Variants in EEA1 observed in about 807,000 individuals in gnomAD.
The protein encoded by EEA1 is early endosome antigen 1, 162kD.
A neutral mutation model predicts 209.2 loss-of-function variants in EEA1; 111 were observed. The observed-to-expected ratio is 0.53, with a 90% CI of 0.45 to 0.62. EEA1 has a LOEUF of 0.62. EEA1 is among the 20% of genes least tolerant of loss of function. The pLI, the probability that EEA1 is intolerant of heterozygous loss-of-function variation, is 0.00. For missense variants in EEA1, 1,343 were observed against 1,530.8 expected (o/e 0.88, Z 2.05); for synonymous variants, 536 against 540.6 (o/e 0.99, Z 0.12).
intron 20 of EEA1, among the ~76,000 whole-genome samples, chr12:92,800,841 C>T (rs756921325): frequency 2.0e-5 from 3 of 152,220 alleles, no homozygotes; most frequent in Non-Finnish European, 2.9e-5. Context: ...AATCTTGATT[C>T]AGAACTTGGG....
At chr12:92,864,663 C>G (rs61935279) in intron 3 of EEA1, among the ~76,000 whole-genome samples, 197 bp downstream of exon 3, 43,147 of 152,028 alleles carry the variant, frequency 0.28, 6,553 homozygotes, top group Non-Finnish European at 0.32. Context: ...CCGTATTGTA[C>G]TTGCTGGCAT....
Position 92,929,026 on chromosome 12 carries a change from C to T in EEA1, c.24+17G>A, listed in dbSNP as rs1269749229. On this transcript the variant is annotated intron_variant, in intron 1 of 28. Transcript: ENST00000322349. ...TCCCGCTCACGTGCTGCCAGAAAGA[C>T]GGTTTCACTCTCTTACCCTCTGTAA... 8.8e-6 allele frequency: 14 copies of T among 1,588,240 alleles called. No individual in the cohort carries two copies. The highest frequency in any genetic ancestry group is 1.8e-5 in the Admixed American group (1 of 56,912).
At chr12:92,850,868 A>G (rs1320445925) in intron 9 of EEA1, among the ~76,000 whole-genome samples, 1 of 152,108 alleles carries the variant, frequency 6.6e-6, no homozygotes, top group Admixed American at 6.5e-5. Flanking sequence ...ATATCATGTC[A>G]ACAATATATA....
intron 18 of EEA1, among the ~76,000 whole-genome samples, chr12:92,804,571 CAAAAAA>C (rs1195692496): frequency 2.1e-5 from 1 of 47,738 alleles, no homozygotes; most frequent in Non-Finnish European, 4.8e-5. Flanking sequence ...GACTCTGTCT[CAAAAAA>C]AAAAAAAAAA....
At position 92,854,943 on chromosome 12, in the gene EEA1, T is replaced by C. The variant is rs556169965; in HGVS notation, c.367-989A>G. On this transcript the variant is annotated intron_variant, in intron 5 of 28. Coordinates refer to ENST00000322349, the MANE Select transcript of EEA1 (RefSeq NM_003566.4). ...TGATATTCCCTGTAAGATTTGTTCA[T>C]GTTATTTCTCTCCCTTTTAAGCACT... Among the ~76,000 whole-genome samples, 6 of 152,360 alleles carry C rather than the reference T, an allele frequency of 3.9e-5. No individual in the cohort carries two copies. In the South Asian group the frequency reaches 1.2e-3, roughly 32 times the overall value.
chr12:92,819,460 G>C lies in EEA1; in HGVS notation c.1576C>G (p.Gln526Glu). Residue 526 changes from glutamine (Q) to glutamate (E), a missense_variant, in exon 14 of 29, where the codon CAG becomes GAG. Gln to Glu is a conservative substitution (Grantham distance 29). Transcript: ENST00000322349. ...TTCTGTAATAAAGCTTCAAGGTTCTGGATCTTTTGGTCCTTATCGCCAATT... is the reference window on the plus strand; with the variant it reads ...TTCTGTAATAAAGCTTCAAGGTTCTCGATCTTTTGGTCCTTATCGCCAATT... ...RQIGDKDQKI[Q>E]NLEALLQKSK... The C allele has an allele frequency of 4.3e-6, 7 of 1,610,378 alleles. No homozygotes were observed. Among genetic ancestry groups the C allele is most frequent in the Non-Finnish European group, 5.9e-6 (7 of 1,178,546 alleles).
At chr12:92,830,133 C>CT (rs1394124129) in intron 11 of EEA1, among the ~76,000 whole-genome samples, 1 of 152,018 alleles carries the variant, frequency 6.6e-6, no homozygotes, top group African/African-American at 2.4e-5. Flanking sequence ...GAAATCTGCA[C>CT]TTTTACCCCC....
intron 1 of EEA1, among the ~76,000 whole-genome samples, chr12:92,894,149 G>C (rs1879770630): frequency 1.3e-5 from 2 of 152,018 alleles, no homozygotes; most frequent in South Asian, 4.1e-4. Flanking sequence ...CAATTGTTTT[G>C]AGGCACTACA....
At chr12:92,862,948 A>G (rs769164755) in intron 3 of EEA1, among the ~76,000 whole-genome samples, 1 of 152,184 alleles carries the variant, frequency 6.6e-6, no homozygotes, top group Non-Finnish European at 1.5e-5. Context: ...TCAAAATGTC[A>G]ATGATGAGGT....
intron 3 of EEA1, among the ~76,000 whole-genome samples, chr12:92,863,405 G>A (rs940842854): frequency 2.0e-5 from 3 of 152,110 alleles, no homozygotes; most frequent in Admixed American, 6.5e-5. Flanking sequence ...ACCTTAGAAC[G>A]AACTACCAGC....
intron 10 of EEA1, among the ~76,000 whole-genome samples, chr12:92,838,350 T>C (rs12301648): frequency 1.3e-3 from 203 of 152,284 alleles, no homozygotes; most frequent in African/African-American, 4.8e-3. Flanking sequence ...ATAACACTGA[T>C]CATCAACACT....
At chr12:92,794,815 G>A (rs574508890) in intron 21 of EEA1, among the ~76,000 whole-genome samples, 1 of 151,944 alleles carries the variant, frequency 6.6e-6, no homozygotes, top group African/African-American at 2.4e-5. Context: ...AACCAACATG[G>A]CACATGTATA....
At chr12:92,857,251 C>T (rs766435488) in intron 5 of EEA1, 24 bp downstream of exon 5, 3 of 1,543,038 alleles carry the variant, frequency 1.9e-6, no homozygotes, top group Non-Finnish European at 2.6e-6. Context: ...AATAAACATG[C>T]TTTAAGTAGT....
chr12:92,896,606 C>T (rs1048107519), intron 1 of EEA1, among the ~76,000 whole-genome samples: 9 of 152,008 alleles, frequency 5.9e-5, no homozygotes, highest in African/African-American at 2.2e-4. Context: ...GCCACAACTC[C>T]AGCCTGACCA....
intron 1 of EEA1, among the ~76,000 whole-genome samples, chr12:92,904,930 C>T (rs1880310106): frequency 6.6e-6 from 1 of 152,204 alleles, no homozygotes; most frequent in Non-Finnish European, 1.5e-5. Flanking sequence ...GCATGATTGA[C>T]TAAGTCATTG....
chr12:92,904,458 G>A (rs1880284361), intron 1 of EEA1, among the ~76,000 whole-genome samples: 1 of 152,158 alleles, frequency 6.6e-6, no homozygotes, highest in Admixed American at 6.6e-5. Flanking sequence ...CCAATTCTCT[G>A]CAGCCACCAA....
chr12:92,862,674 T>C (rs1878205206), intron 3 of EEA1, among the ~76,000 whole-genome samples: 1 of 151,978 alleles, frequency 6.6e-6, no homozygotes. Flanking sequence ...CAACTATAAA[T>C]ATGAAAAAAC....
intron 1 of EEA1, among the ~76,000 whole-genome samples, chr12:92,902,722 C>T (rs934001323): frequency 2.3e-5 from 3 of 131,678 alleles, no homozygotes; most frequent in African/African-American, 5.7e-5. Flanking sequence ...GCCTGGGCAA[C>T]AGGGCGAAAT....
At chr12:92,856,867 G>T (rs1030707036) in intron 5 of EEA1, among the ~76,000 whole-genome samples, 2 of 145,182 alleles carry the variant, frequency 1.4e-5, no homozygotes, top group African/African-American at 5.1e-5. Flanking sequence ...GAAATCCAGA[G>T]GTCAAGTGAA....
Sources: allele counts gnomAD v4.1 joint callset (sites outside exome capture counted in the v4.1 genomes callset), GRCh38; gene constraint gnomAD v4.1.1; transcripts MANE v1.5; gene names NCBI Gene and HGNC (gene_info 2026-07-23, HGNC 2026-07-21).